Variants in CADPS2 observed in about 807,000 individuals in gnomAD.
The protein encoded by CADPS2 is calcium-dependent secretion activator 2.
A neutral mutation model predicts 172.5 loss-of-function variants in CADPS2; 93 were observed. The observed-to-expected ratio is 0.54, with a 90% CI of 0.46 to 0.64. The LOEUF (loss-of-function observed/expected upper bound fraction) is 0.64. Ranked by LOEUF, CADPS2 falls within the 30% of genes least tolerant of loss-of-function variation. CADPS2 has a pLI of 0.00. For missense variants in CADPS2, 1,420 were observed against 1,565.9 expected, an observed-to-expected ratio of 0.91 and a Z score of 1.57; for synonymous variants, 546 against 555.2, an observed-to-expected ratio of 0.98 and a Z score of 0.23.
intron 2 of CADPS2, among the ~76,000 whole-genome samples, chr7:122,733,922 C>T (rs997903498): frequency 8.6e-5 from 13 of 151,980 alleles, no homozygotes; most frequent in Admixed American, 3.3e-4. Flanking sequence ...GTCGGGGTGA[C>T]TGAATGAGAC....
intron 2 of CADPS2, among the ~76,000 whole-genome samples, chr7:122,706,026 A>C (rs1470649684): frequency 2.0e-5 from 2 of 98,984 alleles, no homozygotes; most frequent in Non-Finnish European, 3.6e-5. Context: ...ATATTATATA[A>C]ATATATATTA....
At chr7:122,760,507 CA>C (rs2093341123) in intron 1 of CADPS2, among the ~76,000 whole-genome samples, 1 of 151,904 alleles carries the variant, frequency 6.6e-6, no homozygotes, top group Non-Finnish European at 1.5e-5. Context: ...TAGCGGATTC[CA>C]AAAAGCCAAA....
At chr7:122,753,482 T>C (rs550156458) in intron 1 of CADPS2, among the ~76,000 whole-genome samples, 10 of 152,298 alleles carry the variant, frequency 6.6e-5, no homozygotes, top group Middle Eastern at 3.4e-3. Flanking sequence ...GAGAACCTAC[T>C]ACATACCTGT....
chr7:122,392,595 G>A (rs2151485694), intron 22 of CADPS2, among the ~76,000 whole-genome samples: 1 of 152,202 alleles, frequency 6.6e-6, no homozygotes, highest in Non-Finnish European at 1.5e-5. Flanking sequence ...ATCATGATGT[G>A]AAGTTAATAA....
rs1293671709 is a variant in CADPS2 at position 122,425,650 on chromosome 7, TATATACAC to T, written c.2477-9494_2477-9487del. ...CCATGTCATATACACAATATATGTGTATATACACATATACACATTCAGTAGCTGAAACT... is the reference window on the plus strand; with the variant it reads ...CCATGTCATATACACAATATATGTGTATATACACATTCAGTAGCTGAAACT... On this transcript the variant is annotated intron_variant, in intron 17 of 29. Coordinates refer to ENST00000449022, the MANE Select transcript of CADPS2 (RefSeq NM_017954.11). Among the ~76,000 whole-genome samples the T allele has an allele frequency of 2.6e-5, 4 of 152,026 alleles. No individual in the cohort carries two copies. In the East Asian group the frequency reaches 5.8e-4, roughly 22 times the overall value.
intron 7 of CADPS2, 86 bp downstream of exon 7, chr7:122,581,093 C>T: frequency 1.1e-6 from 1 of 890,110 alleles, no homozygotes; most frequent in Non-Finnish European, 1.8e-6. Context: ...ATAAAGTTCA[C>T]ATATGGCATA....
At chr7:122,444,219 A>T (rs1484263553) in intron 15 of CADPS2, among the ~76,000 whole-genome samples, 1 of 152,088 alleles carries the variant, frequency 6.6e-6, no homozygotes, top group Non-Finnish European at 1.5e-5. Flanking sequence ...TTCCTTGCTG[A>T]TGGCCATTTG....
intron 1 of CADPS2, among the ~76,000 whole-genome samples, chr7:122,846,598 A>G (rs1812046657): frequency 6.6e-6 from 1 of 152,216 alleles, no homozygotes; most frequent in African/African-American, 2.4e-5. Flanking sequence ...GCAGAAGACT[A>G]TGTTGTGGCA....
At chr7:122,395,138 C>G (rs2044900340) in intron 20 of CADPS2, among the ~76,000 whole-genome samples, 1 of 152,170 alleles carries the variant, frequency 6.6e-6, no homozygotes, top group African/African-American at 2.4e-5. Flanking sequence ...AGTGTTTTAG[C>G]TCTTGTCAAA....
At chr7:122,479,107 T>C (rs1351674377) in intron 12 of CADPS2, among the ~76,000 whole-genome samples, 1 of 152,126 alleles carries the variant, frequency 6.6e-6, no homozygotes, top group African/African-American at 2.4e-5. Flanking sequence ...TTTAGCATTC[T>C]GAGGTCACTC....
chr7:122,802,585 A>G (rs1797892467), intron 1 of CADPS2, among the ~76,000 whole-genome samples: 1 of 152,312 alleles, frequency 6.6e-6, no homozygotes, highest in South Asian at 2.1e-4. Context: ...TTTATCCTCT[A>G]AACAACTAAA....
In CADPS2 at chr7:122,630,377, C is replaced by CAAA. The variant is rs11357207; in HGVS notation, c.787-1052_787-1050dup. On this transcript the variant is annotated intron_variant, in intron 3 of 29. Coordinates refer to ENST00000449022, the MANE Select transcript of CADPS2 (RefSeq NM_017954.11). The stretch of plus-strand genomic sequence containing the variant: ...TGGTAAGGCAATTTATATGAAGAGT[C>CAAA]AAAAAAAAAAAAAGAGGAAGATGTT... 2.3e-5 allele frequency among the ~76,000 whole-genome samples: 3 copies of CAAA among 128,190 alleles called. No individual in the cohort carries two copies. The Admixed American group carries it at 2.4e-4, about 10-fold the overall frequency. The allele number at this position is 128,190 out of a possible 152,430, so 84.1% of individuals were successfully genotyped here.
chr7:122,393,955 T>TA (rs2044731504), intron 20 of CADPS2, among the ~76,000 whole-genome samples: 1 of 152,192 alleles, frequency 6.6e-6, no homozygotes, highest in African/African-American at 2.4e-5. Flanking sequence ...TAAGCAGAGT[T>TA]ACAATCTCTG....
At chr7:122,701,315 T>C (rs2086037958) in intron 2 of CADPS2, among the ~76,000 whole-genome samples, 1 of 152,080 alleles carries the variant, frequency 6.6e-6, no homozygotes, top group Non-Finnish European at 1.5e-5. Flanking sequence ...CTGGAAACCA[T>C]CATTCTCAGC....
chr7:122,771,987 G>GGTGAGGAACA (rs1457543037), intron 1 of CADPS2, among the ~76,000 whole-genome samples: 1 of 152,176 alleles, frequency 6.6e-6, no homozygotes, highest in Non-Finnish European at 1.5e-5. Context: ...CAATAGACCA[G>GGTGAGGAACA]GTGAGGAACA....
Position 122,713,600 on chromosome 7 carries a change from G to A in CADPS2, c.453+23355C>T, listed in dbSNP as rs555643973. On this transcript the variant is annotated intron_variant, in intron 2 of 29. Transcript: ENST00000449022. Reference sequence around the variant, plus strand: ...TTTTTTCAATCTTAACAATTGTAAGGAAGTTTCTATTTTGACATAAAATAT... The same window carrying A: ...TTTTTTCAATCTTAACAATTGTAAGAAAGTTTCTATTTTGACATAAAATAT... 2.6e-5 allele frequency among the ~76,000 whole-genome samples: 4 copies of A among 151,474 alleles called. No homozygotes were observed. In the East Asian group the frequency reaches 7.8e-4, roughly 30 times the overall value.
chr7:122,636,461 T>C (rs1279597654), intron 3 of CADPS2, among the ~76,000 whole-genome samples: 1 of 95,748 alleles, frequency 1.0e-5, no homozygotes, highest in Non-Finnish European at 1.9e-5. Context: ...CCACAAGAGA[T>C]GTTTTTTTTT....
intron 1 of CADPS2, among the ~76,000 whole-genome samples, chr7:122,806,335 T>G (rs1798791993): frequency 6.6e-6 from 1 of 152,174 alleles, no homozygotes; most frequent in Admixed American, 6.5e-5. Context: ...TAATTTGATC[T>G]ATGTCATTTT....
At chr7:122,458,420 C>T (rs1474366261) in intron 14 of CADPS2, among the ~76,000 whole-genome samples, 1 of 152,150 alleles carries the variant, frequency 6.6e-6, no homozygotes. Flanking sequence ...ATATATTACA[C>T]ACTCAGTGTC....
Sources: allele counts gnomAD v4.1 joint callset (sites outside exome capture counted in the v4.1 genomes callset), GRCh38; gene constraint gnomAD v4.1.1; transcripts MANE v1.5; gene names NCBI Gene and HGNC (gene_info 2026-07-23, HGNC 2026-07-21).